The following ATP10A variants were observed in gnomAD, a reference collection of about 807,000 sequenced individuals.
The protein encoded by ATP10A is phospholipid-transporting ATPase VA.
ATP10A carries 111 observed loss-of-function variants against 147.8 expected under a neutral mutation model. The ratio of observed to expected loss-of-function variants is 0.75; its 90% CI spans 0.64 to 0.88. The LOEUF is 0.88. ATP10A is among the 40% of genes least tolerant of loss of function. The probability of loss-of-function intolerance (pLI) is 0.00; values close to 1 mark genes in which losing one functional copy is unlikely to be tolerated. For synonymous variants in ATP10A, 875 were observed against 841.6 expected (o/e 1.04, Z -0.69); for missense variants, 1,927 against 1,959.0 (o/e 0.98, Z 0.31).
At chr15:25,760,186 A>T (rs1888683164) in intron 2 of ATP10A, among the ~76,000 whole-genome samples, 1 of 152,190 alleles carries the variant, frequency 6.6e-6, no homozygotes, top group South Asian at 2.1e-4. Flanking sequence ...AAAGCCCTGG[A>T]ACTTCTAAAA....
intron 9 of ATP10A, 139 bp downstream of exon 9, chr15:25,716,591 A>G: frequency 2.5e-6 from 2 of 796,298 alleles, no homozygotes; most frequent in Non-Finnish European, 3.9e-6. Flanking sequence ...GAAGCACCCC[A>G]CCGCATCCCC....
rs376598778 is a variant in ATP10A at position 25,747,157 on chromosome 15, G to A, written c.655-11016C>T. Among the ~76,000 whole-genome samples, 23 of 151,994 alleles carry A rather than the reference G, an allele frequency of 1.5e-4. No homozygotes were observed. The East Asian group carries it at 4.1e-3, about 27-fold the overall frequency. On this transcript the variant is annotated intron_variant, in intron 2 of 20. Coordinates refer to ENST00000555815, the MANE Select transcript of ATP10A (RefSeq NM_024490.4). ...CAAAACATTAGCTGGGCATGGTTGT[G>A]GGCTCCTGTAATCCCAGCTACTCAA...
At chr15:25,709,001 C>T (rs1156485348) in intron 10 of ATP10A, 2 of 152,344 alleles carry the variant, frequency 1.3e-5, no homozygotes, top group Admixed American at 6.5e-5. Context: ...AGTCCACCAC[C>T]TGAAAGAGGA....
chr15:25,686,876 A>G lies in ATP10A; in HGVS notation c.3291+827T>C, dbSNP rs536808581. 1.9e-4 allele frequency among the ~76,000 whole-genome samples: 21 copies of G among 108,432 alleles called. 5 individuals carry two copies. The highest frequency in any genetic ancestry group is 3.5e-4 in the Non-Finnish European group (21 of 59,920). 71.1% of individuals were successfully genotyped at this position (108,432 alleles called of 152,430 possible). ...CAGTGAAGAAGGAACGAAGAGTCCA[A>G]CGTGAAGATCCACATGAAATGACCA... On this transcript the variant is annotated intron_variant, in intron 16 of 20. Transcript: ENST00000555815.
At chr15:25,672,406 T>C (rs967933785), downstream of ATP10A, among the ~76,000 whole-genome samples, 1 of 152,242 alleles carries the variant, frequency 6.6e-6, no homozygotes, top group Non-Finnish European at 1.5e-5. Flanking sequence ...ACATGGGCTA[T>C]GTTTATCTGT....
intron 2 of ATP10A, among the ~76,000 whole-genome samples, chr15:25,743,825 C>CT (rs1363735476): frequency 6.6e-6 from 1 of 152,144 alleles, no homozygotes; most frequent in Non-Finnish European, 1.5e-5. Context: ...CATTCCCTGA[C>CT]TTATGGCTTC....
chr15:25,852,072 AT>A (rs1394726805), intron 1 of ATP10A, among the ~76,000 whole-genome samples: 4 of 152,110 alleles, frequency 2.6e-5, no homozygotes, highest in Admixed American at 2.0e-4. Flanking sequence ...TCTCTGCATT[AT>A]TTCATGTATT....
intron 10 of ATP10A, chr15:25,709,653 C>G (rs1383007361): frequency 6.6e-6 from 1 of 152,254 alleles, no homozygotes; most frequent in Non-Finnish European, 1.5e-5. Flanking sequence ...TGGGGTGTTT[C>G]TTTGCAGGGC....
chr15:25,849,851 A>AT (rs1893201504), intron 1 of ATP10A, among the ~76,000 whole-genome samples: 1 of 152,172 alleles, frequency 6.6e-6, no homozygotes, highest in Non-Finnish European at 1.5e-5. Flanking sequence ...TTTCCAAAAA[A>AT]AAAAATAAAT....
At chr15:25,755,877 G>A (rs926403281) in intron 2 of ATP10A, among the ~76,000 whole-genome samples, 1 of 152,156 alleles carries the variant, frequency 6.6e-6, no homozygotes, top group African/African-American at 2.4e-5. Flanking sequence ...CTTTGTAAAA[G>A]AAATTTACAT....
intron 3 of ATP10A, among the ~76,000 whole-genome samples, chr15:25,732,857 G>A (rs564905568): frequency 1.5e-4 from 23 of 152,002 alleles, no homozygotes; most frequent in African/African-American, 5.3e-4. Context: ...GCCCGGCCAC[G>A]ACACCTTCTA....
intron 9 of ATP10A, among the ~76,000 whole-genome samples, chr15:25,716,501 A>G (rs937006896): frequency 6.6e-6 from 1 of 151,852 alleles, no homozygotes; most frequent in African/African-American, 2.4e-5. Context: ...GCCCCCTCCC[A>G]CTTGGCCCCA....
At chr15:25,824,084 T>C (rs1892005283) in intron 1 of ATP10A, among the ~76,000 whole-genome samples, 1 of 152,138 alleles carries the variant, frequency 6.6e-6, no homozygotes, top group Non-Finnish European at 1.5e-5. Flanking sequence ...AAAAATTTGC[T>C]ACAAGGCAAA....
At chr15:25,720,029 G>A (rs1902114932) in intron 7 of ATP10A, among the ~76,000 whole-genome samples, 1 of 152,170 alleles carries the variant, frequency 6.6e-6, no homozygotes, top group South Asian at 2.1e-4. Flanking sequence ...TCATCACCAG[G>A]AAGCTCCCTG....
chr15:25,714,877 C>G (rs1210167972), intron 9 of ATP10A, among the ~76,000 whole-genome samples: 1 of 151,844 alleles, frequency 6.6e-6, no homozygotes, highest in African/African-American at 2.4e-5. Context: ...TCCTTCTAAG[C>G]GCATTAAATA....
chr15:25,793,222 T>C (rs541819968), intron 1 of ATP10A, among the ~76,000 whole-genome samples: 2 of 152,270 alleles, frequency 1.3e-5, no homozygotes, highest in South Asian at 4.2e-4. Context: ...TCATAAATGT[T>C]AAGGCCATTT....
At chr15:25,832,128 C>T (rs1383914283) in intron 1 of ATP10A, among the ~76,000 whole-genome samples, 1 of 152,170 alleles carries the variant, frequency 6.6e-6, no homozygotes, top group Non-Finnish European at 1.5e-5. Context: ...ATCAACGTGG[C>T]TGCAAGACAG....
chr15:25,702,987 G>A (rs1900760820), intron 12 of ATP10A, among the ~76,000 whole-genome samples: 1 of 152,118 alleles, frequency 6.6e-6, no homozygotes, highest in Non-Finnish European at 1.5e-5. Context: ...TTAGGATGTG[G>A]GGCCTGCAGG....
At chr15:25,835,756 C>A (rs1754748213) in intron 1 of ATP10A, among the ~76,000 whole-genome samples, 1 of 152,218 alleles carries the variant, frequency 6.6e-6, no homozygotes, top group Non-Finnish European at 1.5e-5. Flanking sequence ...CTCAGCCTCC[C>A]AAGTAGCTGG....
Sources: gnomAD v4.1 joint callset for allele counts (sites outside exome capture counted in the v4.1 genomes callset) on GRCh38, gnomAD v4.1.1 for gene constraint, MANE v1.5 for transcripts, NCBI Gene and HGNC (gene_info 2026-07-23, HGNC 2026-07-21) for gene names.